ANK1: variants seen among roughly 807,000 people sequenced by gnomAD.
ANK1 encodes the protein ankyrin 1.
In ANK1, 51 loss-of-function variants were observed where a neutral mutation model predicts 210.4. The observed-to-expected ratio is 0.24, with a 90% CI of 0.19 to 0.31. ANK1 has a LOEUF of 0.31. Among genes scored for constraint, ANK1 ranks in the 10% least tolerant of loss-of-function variants. The pLI, the probability that ANK1 is intolerant of heterozygous loss-of-function variation, is 1.00. For synonymous variants in ANK1, 967 were observed against 1,025.9 expected, an observed-to-expected ratio of 0.94 and a Z score of 1.10; for missense variants, 2,051 against 2,504.4, an observed-to-expected ratio of 0.82 and a Z score of 3.86.
At chr8:41,790,245 C>T (rs1348966033) in intron 1 of ANK1, among the ~76,000 whole-genome samples, 1 of 151,594 alleles carries the variant, frequency 6.6e-6, no homozygotes, top group Non-Finnish European at 1.5e-5. Flanking sequence ...CTCCTGGGTT[C>T]AAGCGATTCT....
intron 1 of ANK1, among the ~76,000 whole-genome samples, chr8:41,872,692 C>T (rs1308076619): frequency 6.6e-6 from 1 of 152,198 alleles, no homozygotes; most frequent in Non-Finnish European, 1.5e-5. Context: ...GCCTGGATTA[C>T]ACCTTAAGGT....
chr8:41,894,603 G>A (rs140674081), intron 1 of ANK1, among the ~76,000 whole-genome samples: 3 of 152,088 alleles, frequency 2.0e-5, no homozygotes, highest in Admixed American at 1.3e-4. Flanking sequence ...ATATGGTGTC[G>A]GGAGTGTCAA....
intron 1 of ANK1, among the ~76,000 whole-genome samples, chr8:41,864,700 G>A (rs984463172): frequency 3.9e-5 from 6 of 152,168 alleles, no homozygotes; most frequent in Non-Finnish European, 7.3e-5. Flanking sequence ...TGAGGCAGAC[G>A]GGGAAAGGAT....
chr8:41,884,262 C>T (rs1818076969), intron 1 of ANK1, among the ~76,000 whole-genome samples: 1 of 152,140 alleles, frequency 6.6e-6, no homozygotes, highest in South Asian at 2.1e-4. Context: ...GCAGGAGAAT[C>T]ACTTGAACCT....
intron 37 of ANK1, among the ~76,000 whole-genome samples, chr8:41,679,558 C>CTT (rs869249907): frequency 0.43 from 38,953 of 90,366 alleles, 8,570 homozygotes; most frequent in East Asian, 0.51. Context: ...CCTGGACTTT[C>CTT]TTTTTTTTTT....
intron 1 of ANK1, among the ~76,000 whole-genome samples, chr8:41,864,634 T>C (rs1813982843): frequency 6.6e-6 from 1 of 152,050 alleles, no homozygotes; most frequent in African/African-American, 2.4e-5. Flanking sequence ...ATAAATAAAA[T>C]AAATGGAAGA....
chr8:41,692,941 G>T, intron 30 of ANK1, 65 bp from the exon 31 acceptor site: 1 of 1,562,594 alleles, frequency 6.4e-7, no homozygotes, highest in Non-Finnish European at 8.8e-7. Context: ...CCATCCAGAC[G>T]GGAGCAGCCC....
At chr8:41,715,259 C>A (rs532980847) in intron 14 of ANK1, among the ~76,000 whole-genome samples, 185 bp from the exon 15 acceptor site, 3 of 152,298 alleles carry the variant, frequency 2.0e-5, no homozygotes, top group Admixed American at 6.5e-5. Flanking sequence ...CCTGCACTTA[C>A]GGTCCACACT....
intron 37 of ANK1, among the ~76,000 whole-genome samples, chr8:41,676,805 CA>C (rs1814306998): frequency 6.6e-6 from 1 of 152,140 alleles, no homozygotes; most frequent in African/African-American, 2.4e-5. Flanking sequence ...CATAAATGTT[CA>C]TAAATGATAT....
intron 3 of ANK1, among the ~76,000 whole-genome samples, chr8:41,733,669 C>T (rs967167994): frequency 2.6e-5 from 4 of 152,158 alleles, no homozygotes; most frequent in East Asian, 1.9e-4. Flanking sequence ...ACCTGATTGG[C>T]GCTTCCAGAG....
At chr8:41,776,493 C>T (rs1344980385) in intron 1 of ANK1, among the ~76,000 whole-genome samples, 2 of 152,130 alleles carry the variant, frequency 1.3e-5, no homozygotes. Flanking sequence ...ACTTCTGAAC[C>T]AAGAGAAAGA....
At chr8:41,847,894 C>T (rs373327791) in intron 1 of ANK1, among the ~76,000 whole-genome samples, 2 of 152,116 alleles carry the variant, frequency 1.3e-5, no homozygotes, top group African/African-American at 4.8e-5. Context: ...GTGGGCCAGG[C>T]GCAGTGGCTC....
At chr8:41,798,095 C>T (rs1447690198), upstream of ANK1, among the ~76,000 whole-genome samples, 1 of 152,004 alleles carries the variant, frequency 6.6e-6, no homozygotes, top group Non-Finnish European at 1.5e-5. Context: ...GAAGCTTCGG[C>T]CCTGGGTGCC....
chr8:41,862,323 A>C (rs1401295079), intron 1 of ANK1, among the ~76,000 whole-genome samples: 1 of 152,132 alleles, frequency 6.6e-6, no homozygotes, highest in African/African-American at 2.4e-5. Context: ...GCTATGCCTC[A>C]AGGCTGGAGT....
chr8:41,845,388 C>CA (rs199999874), intron 1 of ANK1, among the ~76,000 whole-genome samples: 75 of 130,582 alleles, frequency 5.7e-4, no homozygotes, highest in Admixed American at 9.4e-4. Flanking sequence ...GACTCCATCC[C>CA]AAAAAAAAAA....
chr8:41,706,256 ACGT>A lies in ANK1; in HGVS notation c.1999-18_1999-16del. 6.2e-7 allele frequency: 1 copy of A among 1,609,708 alleles called. No individual in the cohort carries two copies. On this transcript the variant is annotated splice_polypyrimidine_tract_variant and intron_variant, in intron 17 of 42. Transcript: ENST00000289734. ...GTGAGTCCGCTCTGCAAAGAAAAAG[ACGT>A]TCATCACCTTCTATCAAGTAAAGAA...
At chr8:41,799,882 G>A (rs141294564), upstream of ANK1, among the ~76,000 whole-genome samples, 44 of 152,262 alleles carry the variant, frequency 2.9e-4, no homozygotes, top group East Asian at 6.8e-3. Context: ...CCGGACTCAC[G>A]ATGTGCTTGA....
At chr8:41,677,997 C>T (rs1814750681) in intron 37 of ANK1, among the ~76,000 whole-genome samples, 1 of 152,166 alleles carries the variant, frequency 6.6e-6, no homozygotes, top group Admixed American at 6.5e-5. Flanking sequence ...TTTCTCTTCA[C>T]CACTGGTTTT....
intron 20 of ANK1, among the ~76,000 whole-genome samples, chr8:41,703,422 G>GTGTGTGTA (rs1286560913): frequency 5.6e-5 from 3 of 53,766 alleles, no homozygotes; most frequent in African/African-American, 7.1e-5. Context: ...GTGTGTGTGT[G>GTGTGTGTA]TATATATATA....
Sources: gnomAD v4.1 joint callset for allele counts (sites outside exome capture counted in the v4.1 genomes callset) on GRCh38, gnomAD v4.1.1 for gene constraint, MANE v1.5 for transcripts, NCBI Gene and HGNC (gene_info 2026-07-23, HGNC 2026-07-21) for gene names.